The following CCDC138 variants were observed in gnomAD, a reference collection of about 807,000 sequenced individuals.
CCDC138 encodes the protein coiled-coil domain containing 138.
Under a neutral mutation model 82.3 loss-of-function variants are expected in CCDC138, and 66 were observed. The observed-to-expected ratio is 0.80, with a 90% CI of 0.66 to 0.98. The LOEUF (loss-of-function observed/expected upper bound fraction) is 0.98, where lower values mean the gene tolerates loss of function less well. Among genes scored for constraint, CCDC138 ranks in the 50% least tolerant of loss-of-function variants. The pLI, the probability that CCDC138 is intolerant of heterozygous loss-of-function variation, is 0.00. For synonymous variants in CCDC138, 297 were observed against 265.4 expected (o/e 1.12, Z -1.16); for missense variants, 816 against 758.9 (o/e 1.08, Z -0.88).
intron 10 of CCDC138, among the ~76,000 whole-genome samples, chr2:108,819,841 ACT>A (rs1230339744): frequency 3.4e-5 from 5 of 148,522 alleles, no homozygotes; most frequent in African/African-American, 1.2e-4. Flanking sequence ...AGCTTCAGAA[ACT>A]CACCCTAAAG....
rs1687476916 is a variant in CCDC138, at chr2:108,830,929, C to G, written c.1207-8256C>G. ...GTGGCTCACGCCTGTAGTCCCAGCA[C>G]TTTGGGATGCCGAGGCAGGCAGATC... is the stretch of plus-strand genomic sequence containing the variant. On this transcript the variant is annotated intron_variant, in intron 10 of 14. Transcript: ENST00000295124. 2.0e-5 allele frequency among the ~76,000 whole-genome samples: 3 copies of G among 152,266 alleles called. No individual in the cohort carries two copies. The South Asian group carries it at 6.2e-4, about 32-fold the overall frequency.
intron 11 of CCDC138, among the ~76,000 whole-genome samples, chr2:108,845,451 T>C (rs1220898415): frequency 1.3e-5 from 2 of 152,146 alleles, no homozygotes; most frequent in Admixed American, 6.6e-5. Context: ...GAAACTGCTA[T>C]AAAAACTCAG....
chr2:108,847,594 T>G (rs1690706668), intron 12 of CCDC138, among the ~76,000 whole-genome samples: 1 of 152,234 alleles, frequency 6.6e-6, no homozygotes, highest in African/African-American at 2.4e-5. Context: ...TAATATGTGT[T>G]TAATATTTAG....
downstream of CCDC138, among the ~76,000 whole-genome samples, chr2:108,879,630 A>G (rs1490230467): frequency 2.6e-5 from 4 of 152,174 alleles, no homozygotes; most frequent in Non-Finnish European, 5.9e-5. Context: ...AGTTTTTAGT[A>G]TATTATTATT....
At chr2:108,880,215 A>G (rs1696252232), downstream of CCDC138, among the ~76,000 whole-genome samples, 1 of 3,940 alleles carries the variant, frequency 2.5e-4, no homozygotes, top group Non-Finnish European at 3.9e-4. Flanking sequence ...AACAACAAAC[A>G]AAAACAAACA....
chr2:108,877,909 T>C (rs773501028), downstream of CCDC138, among the ~76,000 whole-genome samples: 8 of 152,202 alleles, frequency 5.3e-5, no homozygotes, highest in Non-Finnish European at 8.8e-5. Flanking sequence ...AAAACCAGAC[T>C]AGCCTTATAG....
intron 7 of CCDC138, among the ~76,000 whole-genome samples, chr2:108,806,270 G>A (rs1239098876): frequency 6.6e-6 from 1 of 152,164 alleles, no homozygotes; most frequent in Non-Finnish European, 1.5e-5. Flanking sequence ...CCACTCTCTT[G>A]TGAGGATTTT....
intron 6 of CCDC138, among the ~76,000 whole-genome samples, chr2:108,798,816 TACACACACACACACACAC>T (rs61201793): frequency 3.8e-5 from 5 of 131,640 alleles, no homozygotes; most frequent in African/African-American, 1.1e-4. Flanking sequence ...TCTCCACACC[TACACACACACACACACAC>T]ACACACACAC....
At chr2:108,812,033 A>G (rs1339885860) in intron 7 of CCDC138, among the ~76,000 whole-genome samples, 1 of 152,182 alleles carries the variant, frequency 6.6e-6, no homozygotes, top group Non-Finnish European at 1.5e-5. Flanking sequence ...TAAGTAATAT[A>G]ATAAAAAAAT....
intron 6 of CCDC138, among the ~76,000 whole-genome samples, chr2:108,803,112 C>T (rs1341812050): frequency 6.6e-6 from 1 of 152,164 alleles, no homozygotes; most frequent in Non-Finnish European, 1.5e-5. Context: ...CTATGCTGCT[C>T]TGGGTGTTTT....
chr2:108,835,607 G>T (rs1009733858), intron 10 of CCDC138, among the ~76,000 whole-genome samples: 2 of 152,158 alleles, frequency 1.3e-5, no homozygotes, highest in Admixed American at 1.3e-4. Flanking sequence ...ATCTATTCAA[G>T]TAAGTCTTTT....
intron 10 of CCDC138, 122 bp downstream of exon 10, chr2:108,816,227 G>T: frequency 1.5e-6 from 1 of 679,256 alleles, no homozygotes; most frequent in Non-Finnish European, 2.4e-6. Context: ...GAGCTGGGCA[G>T]ATCACCTGAG....
At chr2:108,849,003 AG>A (rs1690961994) in intron 12 of CCDC138, among the ~76,000 whole-genome samples, 1 of 152,200 alleles carries the variant, frequency 6.6e-6, no homozygotes, top group South Asian at 2.1e-4. Context: ...GGAAAACATG[AG>A]CCTGGTAAGG....
At chr2:108,870,028 CTAATGAGAAA>C (rs1195943186) in intron 13 of CCDC138, among the ~76,000 whole-genome samples, 1 of 152,088 alleles carries the variant, frequency 6.6e-6, no homozygotes, top group East Asian at 1.9e-4. Context: ...GCTCAATGAG[CTAATGAGAAA>C]TAATGAAATC....
intron 11 of CCDC138, among the ~76,000 whole-genome samples, chr2:108,843,014 CAAGAA>C (rs1268992915): frequency 2.0e-5 from 3 of 152,168 alleles, no homozygotes; most frequent in African/African-American, 7.2e-5. Flanking sequence ...TTATAGAACT[CAAGAA>C]GAGAAGGAAA....
chr2:108,847,625 A>G (rs1052972891), intron 12 of CCDC138, among the ~76,000 whole-genome samples: 5 of 152,210 alleles, frequency 3.3e-5, no homozygotes, highest in Non-Finnish European at 5.9e-5. Context: ...TTATATTATT[A>G]AATGTGATAA....
intron 11 of CCDC138, among the ~76,000 whole-genome samples, chr2:108,846,071 A>AAC (rs1690420263): frequency 6.6e-6 from 1 of 152,162 alleles, no homozygotes; most frequent in Non-Finnish European, 1.5e-5. Flanking sequence ...AATCAGAGTT[A>AAC]GCTGAAGGGA....
intron 11 of CCDC138, among the ~76,000 whole-genome samples, chr2:108,844,217 T>G (rs1558718088): frequency 6.6e-6 from 1 of 152,076 alleles, no homozygotes; most frequent in Non-Finnish European, 1.5e-5. Flanking sequence ...TCTAATGACG[T>G]GATTTTAGAT....
chr2:108,827,639 A>G (rs1686850288), intron 10 of CCDC138, among the ~76,000 whole-genome samples: 2 of 152,074 alleles, frequency 1.3e-5, no homozygotes, highest in African/African-American at 2.4e-5. Flanking sequence ...ACACAGTGAA[A>G]CCCCGTCTCT....
Sources: gnomAD v4.1 joint callset for allele counts (sites outside exome capture counted in the v4.1 genomes callset) on GRCh38, gnomAD v4.1.1 for gene constraint, MANE v1.5 for transcripts, NCBI Gene and HGNC (gene_info 2026-07-23, HGNC 2026-07-21) for gene names.